HMGCS2: variants seen among roughly 807,000 people sequenced by gnomAD.
HMGCS2 encodes 3-hydroxy-3-methylglutaryl-CoA synthase 2.
A neutral mutation model predicts 57.4 loss-of-function variants in HMGCS2; 50 were observed. The observed-to-expected ratio is 0.87, with a 90% CI of 0.69 to 1.10. HMGCS2 has a LOEUF of 1.10. HMGCS2 is among the 50% of genes least tolerant of loss of function. The pLI, the probability that HMGCS2 is intolerant of heterozygous loss-of-function variation, is 0.00. For missense variants in HMGCS2, 627 were observed against 636.5 expected (o/e 0.99, Z 0.16); for synonymous variants, 254 against 245.1 (o/e 1.04, Z -0.34).
At chr1:119,762,022 T>C (rs1200910722) in intron 2 of HMGCS2, among the ~76,000 whole-genome samples, 1 of 152,198 alleles carries the variant, frequency 6.6e-6, no homozygotes, top group African/African-American at 2.4e-5. Flanking sequence ...GATATTCCAC[T>C]TCTAGGAATT....
chr1:119,761,840 T>A (rs1324870598), intron 2 of HMGCS2, among the ~76,000 whole-genome samples: 1 of 152,134 alleles, frequency 6.6e-6, no homozygotes, highest in African/African-American at 2.4e-5. Flanking sequence ...ATAGAAATAT[T>A]CAAGATTTCT....
intron 3 of HMGCS2, 82 bp downstream of exon 3, chr1:119,759,782 T>C: frequency 6.5e-7 from 1 of 1,532,524 alleles, no homozygotes; most frequent in Non-Finnish European, 9.0e-7. Context: ...CAGCCCTGAG[T>C]AGCAGGTGTG....
intron 5 of HMGCS2, among the ~76,000 whole-genome samples, chr1:119,756,479 G>A (rs962325304): frequency 1.3e-5 from 2 of 152,120 alleles, no homozygotes; most frequent in African/African-American, 4.8e-5. Context: ...GTTAGTGGCA[G>A]GGTTAGGAGT....
chr1:119,757,074 T>C (rs1264722731), intron 5 of HMGCS2, among the ~76,000 whole-genome samples, 199 bp downstream of exon 5: 8 of 152,134 alleles, frequency 5.3e-5, no homozygotes, highest in Non-Finnish European at 1.2e-4. Flanking sequence ...CCCCCATGTT[T>C]CCCTGCAATA....
chr1:119,752,608 C>T lies in HMGCS2; in HGVS notation c.1361G>A (p.Cys454Tyr). 2 of 1,614,084 alleles carry T rather than the reference C, an allele frequency of 1.2e-6. No individual in the cohort carries two copies. Among genetic ancestry groups the T allele is most frequent in the East Asian group, 4.5e-5 (2 of 44,890 alleles). The change falls in exon 8 of 10, where the codon TGT (cysteine) becomes TAT (tyrosine). Residue 454 changes from cysteine (C) to tyrosine (Y), a missense_variant. Physicochemically the swap from Cys to Tyr is radical, Grantham distance 194. Transcript: ENST00000369406. ...DLPKRLASRK[C>Y]VSPEEFTEIM... ...TTCTGTGAACTCCTCAGGAGACACA[C>T]ACTTTCGGGAGGCTAGGCGTTTTGG...
At chr1:119,754,625 C>G (rs1463232263) in intron 6 of HMGCS2, among the ~76,000 whole-genome samples, 4 of 120,998 alleles carry the variant, frequency 3.3e-5, no homozygotes, top group Non-Finnish European at 7.6e-5. Context: ...ACTTAATGCT[C>G]ATAAAAACAG....
Position 119,759,966 on chromosome 1 carries a change from C to T in HMGCS2, c.583G>A (p.Gly195Arg), listed in dbSNP as rs774872599. 1 of 1,614,090 alleles carries T rather than the reference C, an allele frequency of 6.2e-7. No individual in the cohort carries two copies. Among genetic ancestry groups the T allele is most frequent in the South Asian group, 1.1e-5 (1 of 91,070 alleles). Reference protein sequence around the residue: ...WDGRYAMVVCGDIAVYPSGNA... With the variant: ...WDGRYAMVVCRDIAVYPSGNA... The stretch of plus-strand genomic sequence containing the variant: ...CCACTGGGATAGACGGCAATGTCTC[C>T]ACAGACCACCATGGCATAACGACCT... Residue 195 changes from glycine to arginine, a missense_variant, in exon 3 of 10, where the codon GGA becomes AGA. Gly to Arg is a moderately radical substitution (Grantham distance 125). Coordinates refer to ENST00000369406, the MANE Select transcript of HMGCS2 (RefSeq NM_005518.4).
In HMGCS2 at chr1:119,748,192, G is replaced by A. The variant is rs1232326301; in HGVS notation, c.*655C>T. 2.6e-5 allele frequency: 4 copies of A among 152,214 alleles called. No homozygotes were observed. The highest frequency in any genetic ancestry group is 2.9e-5 in the Non-Finnish European group (2 of 68,068). 9.4% of individuals were successfully genotyped at this position (152,214 alleles called of 1,614,324 possible). ...AGGGAAGTGGGCTGGGGGAAGCTGT[G>A]TTCTACCGTTCTTATTTGCCTTGTA... On this transcript the variant is annotated 3_prime_UTR_variant, in exon 10 of 10. Coordinates refer to ENST00000369406, the MANE Select transcript of HMGCS2 (RefSeq NM_005518.4).
intron 2 of HMGCS2, among the ~76,000 whole-genome samples, chr1:119,761,414 T>C (rs935819168): frequency 1.3e-5 from 2 of 152,058 alleles, no homozygotes; most frequent in East Asian, 3.9e-4. Flanking sequence ...GGGGGAGTAT[T>C]TACAATACTT....
At position 119,764,395 on chromosome 1, in the gene HMGCS2, C is replaced by G; in HGVS notation, c.336G>C (p.Arg112=). The change falls in exon 2 of 10, where the codon CGG becomes CGC. Residue 112 remains arginine (R), a synonymous_variant. Coordinates refer to ENST00000369406, the MANE Select transcript of HMGCS2 (RefSeq NM_005518.4). ...ATGGGAGCTGTATGCGCTCCATCAGCCGTTGCACCACCGTCAGGCACAGGG... is the reference window on the plus strand; with the variant it reads ...ATGGGAGCTGTATGCGCTCCATCAGGCGTTGCACCACCGTCAGGCACAGGG... ...INSLCLTVVQ[R]LMERIQLPWD... The G allele has an allele frequency of 1.2e-6, 2 of 1,614,244 alleles. No individual in the cohort carries two copies. Among genetic ancestry groups the G allele is most frequent in the Non-Finnish European group, 1.7e-6 (2 of 1,180,042 alleles).
chr1:119,761,345 T>G (rs1653032491), intron 2 of HMGCS2, among the ~76,000 whole-genome samples: 1 of 151,930 alleles, frequency 6.6e-6, no homozygotes, highest in Non-Finnish European at 1.5e-5. Flanking sequence ...AAAAGGCCAG[T>G]AAATTTGATT....
At chr1:119,764,064 T>A in intron 2 of HMGCS2, 108 bp downstream of exon 2, 1 of 841,396 alleles carries the variant, frequency 1.2e-6, no homozygotes, top group Non-Finnish European at 2.0e-6. Flanking sequence ...GAATATATTG[T>A]CCTTCCTTCA....
chr1:119,755,440 A>C lies in HMGCS2; in HGVS notation c.1174T>G (p.Ser392Ala). ...TGCAGTACTCACTGGGACAGAAGCGAGGCCAGGCACCCGTACAGGGATGAG... is the reference window on the plus strand; with the variant it reads ...TGCAGTACTCACTGGGACAGAAGCGCGGCCAGGCACCCGTACAGGGATGAG... ...YTSSLYGCLA[S>A]LLSHHSAQEL... is the part of the protein sequence containing the mutation. Residue 392 changes from serine (S) to alanine (A), a missense_variant, in exon 6 of 10, where the codon TCG (serine) becomes GCG (alanine). Transcript: ENST00000369406. The C allele has an allele frequency of 6.2e-7, 1 of 1,614,180 alleles. No homozygotes were observed. Among genetic ancestry groups the C allele is most frequent in the Non-Finnish European group, 8.5e-7 (1 of 1,180,018 alleles).
At chr1:119,763,515 T>C (rs947136462) in intron 2 of HMGCS2, among the ~76,000 whole-genome samples, 3 of 152,242 alleles carry the variant, frequency 2.0e-5, no homozygotes, top group Non-Finnish European at 2.9e-5. Context: ...TGATTATTGA[T>C]AGAGCTATGG....
chr1:119,764,163 C>A lies in HMGCS2; in HGVS notation c.559+9G>T, dbSNP rs776134493. ...ACCTTTCTTACATAAGGTTCGTGGC[C>A]GTACATACCATCCCAGGAACTGGAC... On this transcript the variant is annotated intron_variant, in intron 2 of 9. Transcript: ENST00000369406. 3.1e-6 allele frequency: 5 copies of A among 1,611,754 alleles called. No individual in the cohort carries two copies. The highest frequency in any genetic ancestry group is 1.7e-5 in the Admixed American group (1 of 60,016).
intron 1 of HMGCS2, among the ~76,000 whole-genome samples, chr1:119,765,190 G>A (rs975975775): frequency 6.6e-6 from 1 of 152,118 alleles, no homozygotes; most frequent in Admixed American, 6.5e-5. Flanking sequence ...CTCACTGCAA[G>A]CTCCGCCTCC....
At chr1:119,752,151 A>C (rs1652680732) in intron 8 of HMGCS2, among the ~76,000 whole-genome samples, 1 of 152,210 alleles carries the variant, frequency 6.6e-6, no homozygotes, top group Admixed American at 6.5e-5. Context: ...GACAACTGAG[A>C]AAAGTTCAAC....
intron 2 of HMGCS2, among the ~76,000 whole-genome samples, chr1:119,762,161 A>G (rs1165060819): frequency 6.6e-6 from 1 of 152,238 alleles, no homozygotes; most frequent in Non-Finnish European, 1.5e-5. Context: ...TGGCATATCC[A>G]TCAAGAATAT....
chr1:119,761,425 A>G (rs1241477367), intron 2 of HMGCS2, among the ~76,000 whole-genome samples: 1 of 152,102 alleles, frequency 6.6e-6, no homozygotes, highest in Non-Finnish European at 1.5e-5. Context: ...TACAATACTT[A>G]CAATCAACAA....
Sources: allele counts gnomAD v4.1 joint callset (sites outside exome capture counted in the v4.1 genomes callset), GRCh38; gene constraint gnomAD v4.1.1; transcripts MANE v1.5; gene names NCBI Gene and HGNC (gene_info 2026-07-23, HGNC 2026-07-21).